DLGAP2: variants seen among roughly 807,000 people sequenced by gnomAD.
DLGAP2 encodes the protein DLG associated protein 2.
In DLGAP2, 26 loss-of-function variants were observed where a neutral mutation model predicts 100.3. The observed-to-expected ratio is 0.26, with a 90% CI of 0.19 to 0.36. DLGAP2 has a LOEUF of 0.36. Ranked by LOEUF, DLGAP2 falls within the 10% of genes least tolerant of loss-of-function variation. The pLI is 1.00. For missense variants in DLGAP2, 1,858 were observed against 1,453.2 expected (o/e 1.28, Z -4.53); for synonymous variants, 886 against 630.1 (o/e 1.41, Z -6.08).
At chr8:1,411,482 T>G (rs1314217411) in intron 3 of DLGAP2, among the ~76,000 whole-genome samples, 1 of 152,194 alleles carries the variant, frequency 6.6e-6, no homozygotes, top group Non-Finnish European at 1.5e-5. Context: ...TCCATCCTGC[T>G]TGCCTCCGGC....
At chr8:1,448,383 G>T (rs1288951347) in intron 3 of DLGAP2, among the ~76,000 whole-genome samples, 1 of 152,178 alleles carries the variant, frequency 6.6e-6, no homozygotes, top group Non-Finnish European at 1.5e-5. Flanking sequence ...CAGTTTCCAT[G>T]TAGTTGAGTG....
chr8:782,332 A>AT (rs201025221), intron 1 of DLGAP2, among the ~76,000 whole-genome samples: 1 of 152,204 alleles, frequency 6.6e-6, no homozygotes, highest in African/African-American at 2.4e-5. Flanking sequence ...TTTTAGCTTG[A>AT]TTTTTTTAAA....
At position 1,560,546 on chromosome 8, in the gene DLGAP2, G is replaced by A. The variant is rs536310909; in HGVS notation, c.1231-5137G>A. ...CCCTGACCCTGGGCTGCATTGTCTTGGGGAAGCTTCATGGAAGGAAAGTTG... is the reference window on the plus strand; with the variant it reads ...CCCTGACCCTGGGCTGCATTGTCTTAGGGAAGCTTCATGGAAGGAAAGTTG... On this transcript the variant is annotated intron_variant, in intron 5 of 14. Transcript: ENST00000637795. Among the ~76,000 whole-genome samples, 28 of 152,198 alleles carry A rather than the reference G, an allele frequency of 1.8e-4. 1 individual carries two copies. The South Asian group carries it at 4.6e-3, about 25-fold the overall frequency.
At chr8:755,390 C>T (rs1366423034) in intron 1 of DLGAP2, among the ~76,000 whole-genome samples, 1 of 152,056 alleles carries the variant, frequency 6.6e-6, no homozygotes. Flanking sequence ...ACACAGGAGG[C>T]AGAGGTTGCA....
chr8:1,615,688 T>C (rs548169015), intron 6 of DLGAP2, among the ~76,000 whole-genome samples: 1 of 151,260 alleles, frequency 6.6e-6, no homozygotes, highest in Non-Finnish European at 1.5e-5. Context: ...ACCGGAAAGA[T>C]CTTTAAACAG....
intron 2 of DLGAP2, among the ~76,000 whole-genome samples, chr8:1,204,863 C>T (rs975031642): frequency 4.6e-5 from 7 of 152,194 alleles, no homozygotes; most frequent in African/African-American, 1.7e-4. Context: ...TGGCCTTGAA[C>T]ACCGGCCCTC....
At chr8:846,319 C>G (rs776287508) in intron 1 of DLGAP2, among the ~76,000 whole-genome samples, 7 of 152,198 alleles carry the variant, frequency 4.6e-5, no homozygotes, top group Non-Finnish European at 1.0e-4. Context: ...CCTCTGGTAA[C>G]CACAATTCTA....
intron 2 of DLGAP2, among the ~76,000 whole-genome samples, chr8:1,219,660 T>G (rs1420259507): frequency 6.6e-6 from 1 of 152,100 alleles, no homozygotes; most frequent in African/African-American, 2.4e-5. Flanking sequence ...CCCTCCTCCT[T>G]GATTTTTTGG....
intron 2 of DLGAP2, among the ~76,000 whole-genome samples, chr8:997,254 TG>T (rs1800807730): frequency 6.6e-6 from 1 of 152,206 alleles, no homozygotes. Context: ...CTGATTTACA[TG>T]GGAAATGAAT....
chr8:1,547,720 G>A (rs942759516), intron 4 of DLGAP2, among the ~76,000 whole-genome samples: 1 of 152,112 alleles, frequency 6.6e-6, no homozygotes, highest in Non-Finnish European at 1.5e-5. Context: ...CCACAGCCTC[G>A]CTCCTCCAGG....
At chr8:1,134,765 G>A (rs954041334) in intron 2 of DLGAP2, among the ~76,000 whole-genome samples, 8 of 152,088 alleles carry the variant, frequency 5.3e-5, no homozygotes, top group South Asian at 2.1e-4. Context: ...CCCATATTAC[G>A]TGGCGGCAGG....
At chr8:1,267,336 G>GT (rs1799476105) in intron 3 of DLGAP2, among the ~76,000 whole-genome samples, 1 of 151,302 alleles carries the variant, frequency 6.6e-6, no homozygotes, top group Non-Finnish European at 1.5e-5. Context: ...GGAGGCCGAG[G>GT]CGGTGGATCA....
chr8:937,675 C>T (rs916035378), intron 2 of DLGAP2, among the ~76,000 whole-genome samples: 3 of 152,182 alleles, frequency 2.0e-5, no homozygotes, highest in African/African-American at 4.8e-5. Context: ...CCAACTGCCT[C>T]GCTGGGTGCC....
chr8:950,626 T>C lies in DLGAP2; in HGVS notation c.73+42660T>C, dbSNP rs536677966. On this transcript the variant is annotated intron_variant, in intron 2 of 14. Transcript: ENST00000637795. ...AATATTTCTTTTTTTCTTTTTCTTT[T>C]TTTTTTTTTTTTTGAGATGGAGTCT... Among the ~76,000 whole-genome samples the C allele has an allele frequency of 7.5e-5, 11 of 147,386 alleles. No individual in the cohort carries two copies. In the East Asian group the frequency reaches 1.8e-3, roughly 23 times the overall value.
At chr8:1,635,946 A>G (rs1797755450) in intron 8 of DLGAP2, among the ~76,000 whole-genome samples, 1 of 152,176 alleles carries the variant, frequency 6.6e-6, no homozygotes, top group South Asian at 2.1e-4. Context: ...CTTTTAATCT[A>G]ATCACCAGGG....
chr8:1,116,811 GA>G (rs1020252673), intron 2 of DLGAP2, among the ~76,000 whole-genome samples: 9 of 149,768 alleles, frequency 6.0e-5, no homozygotes, highest in Non-Finnish European at 7.4e-5. Context: ...AAAAAAAAGA[GA>G]AAAAAAAAGA....
chr8:1,127,372 T>C (rs1275533066), intron 2 of DLGAP2, among the ~76,000 whole-genome samples: 1 of 152,064 alleles, frequency 6.6e-6, no homozygotes, highest in African/African-American at 2.4e-5. Context: ...GCCCCAGGTC[T>C]GGTGGCCCTG....
chr8:1,308,160 C>G (rs1247723312), intron 3 of DLGAP2, among the ~76,000 whole-genome samples: 1 of 152,114 alleles, frequency 6.6e-6, no homozygotes, highest in Non-Finnish European at 1.5e-5. Flanking sequence ...AGCCAGGGTA[C>G]GTGTGGAAGA....
intron 1 of DLGAP2, among the ~76,000 whole-genome samples, chr8:813,910 C>G (rs989503544): frequency 2.6e-5 from 4 of 152,108 alleles, no homozygotes; most frequent in African/African-American, 9.7e-5. Flanking sequence ...TGTCTGCACT[C>G]AGCGTGTAGT....
Sources: allele counts gnomAD v4.1 joint callset (sites outside exome capture counted in the v4.1 genomes callset), GRCh38; gene constraint gnomAD v4.1.1; transcripts MANE v1.5; gene names NCBI Gene and HGNC (gene_info 2026-07-23, HGNC 2026-07-21).